The following H3-3A variants were observed in gnomAD, a reference collection of about 807,000 sequenced individuals.
H3-3A encodes the protein H3.3 histone A, also known as histone H3.3.
For synonymous variants in H3-3A, 49 were observed against 61.4 expected, an observed-to-expected ratio of 0.80 and a Z score of 0.95; for missense variants, 7 against 184.0, an observed-to-expected ratio of 0.04 and a Z score of 5.57.
intron 1 of H3-3A, among the ~76,000 whole-genome samples, chr1:226,063,327 C>G (rs961959177): frequency 2.6e-5 from 4 of 152,178 alleles, no homozygotes; most frequent in African/African-American, 9.7e-5. Context: ...CCCCGTTTCT[C>G]TCTTCCCCAT....
At chr1:226,062,063 C>G (rs1235421004), upstream of H3-3A, 6 of 152,214 alleles carry the variant, frequency 3.9e-5, no homozygotes, top group Admixed American at 2.0e-4. Context: ...AGGAGGCCGT[C>G]GGTCCGCCCC....
At chr1:226,061,968 G>A (rs1432057864), upstream of H3-3A, 4 of 152,198 alleles carry the variant, frequency 2.6e-5, no homozygotes, top group Admixed American at 1.3e-4. Flanking sequence ...GCCGGCCCAG[G>A]AGTCTTAGCG....
chr1:226,070,496 G>A (rs1476573307), intron 3 of H3-3A, among the ~76,000 whole-genome samples: 9 of 140,614 alleles, frequency 6.4e-5, no homozygotes, highest in Non-Finnish European at 9.2e-5. Flanking sequence ...AGGAACTGCC[G>A]GGCGCGGTGG....
chr1:226,065,100 A>G (rs1004710586), intron 2 of H3-3A, among the ~76,000 whole-genome samples: 2 of 152,362 alleles, frequency 1.3e-5, no homozygotes, highest in Middle Eastern at 3.4e-3. Context: ...CTTGCTGACA[A>G]TTACTTAGTA....
chr1:226,065,406 G>T (rs1657892327), intron 2 of H3-3A, among the ~76,000 whole-genome samples: 1 of 152,150 alleles, frequency 6.6e-6, no homozygotes, highest in Admixed American at 6.5e-5. Flanking sequence ...TTTTTAAAAT[G>T]AAAATAAATA....
upstream of H3-3A, among the ~76,000 whole-genome samples, chr1:226,062,511 G>A (rs1483710494): frequency 2.0e-5 from 3 of 150,118 alleles, no homozygotes; most frequent in Non-Finnish European, 4.5e-5. Flanking sequence ...CACGGCGCGA[G>A]GCGGCCTGGA....
Position 226,071,540 on chromosome 1 carries a change from C to G in H3-3A, c.*61C>G. On this transcript the variant is annotated 3_prime_UTR_variant, in exon 4 of 4. Coordinates refer to ENST00000366815, the MANE Select transcript of H3-3A (RefSeq NM_002107.7). ...AAAAAAAAAAAAAATTTCTCTTCTT[C>G]CTGTTATTGGTAGTTCTGAACGTTA... 3 of 774,092 alleles carry G rather than the reference C, an allele frequency of 3.9e-6. No individual in the cohort carries two copies. Among genetic ancestry groups the G allele is most frequent in the East Asian group, 5.4e-5 (2 of 36,830 alleles). 48.0% of individuals were successfully genotyped at this position (774,092 alleles called of 1,614,324 possible). A position where few individuals can be genotyped will look rare whatever the true frequency, so the allele number is the denominator to read the frequency against.
At chr1:226,067,050 T>C (rs1362111106) in intron 3 of H3-3A, 2 of 152,240 alleles carry the variant, frequency 1.3e-5, no homozygotes, top group East Asian at 3.8e-4. Flanking sequence ...TCAGTTCTTA[T>C]TTATTACTAA....
chr1:226,067,153 A>T (rs1224515219), intron 3 of H3-3A: 1 of 152,242 alleles, frequency 6.6e-6, no homozygotes, highest in Non-Finnish European at 1.5e-5. Flanking sequence ...ACTGTACTTG[A>T]AAAGTGTAGC....
intron 1 of H3-3A, 30 bp from the exon 2 acceptor site, chr1:226,064,299 T>C: frequency 6.4e-7 from 1 of 1,558,454 alleles, no homozygotes; most frequent in African/African-American, 1.4e-5. Context: ...TAGTTGCATA[T>C]GGTGATTTTT....
chr1:226,066,132 A>G, intron 3 of H3-3A: 1 of 444,996 alleles, frequency 2.2e-6, no homozygotes, highest in Non-Finnish European at 4.0e-6. Context: ...GACATTAAGA[A>G]GAACTTGAGA....
At chr1:226,064,218 A>G (rs1053658248) in intron 1 of H3-3A, 111 bp from the exon 2 acceptor site, 1 of 723,978 alleles carries the variant, frequency 1.4e-6, no homozygotes, top group African/African-American at 1.8e-5. Context: ...TACGAACATT[A>G]TTTTTTATAC....
intron 3 of H3-3A, among the ~76,000 whole-genome samples, chr1:226,068,010 G>T (rs1657982492): frequency 6.6e-6 from 1 of 152,160 alleles, no homozygotes; most frequent in Admixed American, 6.5e-5. Flanking sequence ...TGTGTTAAGT[G>T]GACAGTGTTG....
At chr1:226,066,523 TTTAAG>T (rs1383524864) in intron 3 of H3-3A, 2 of 152,226 alleles carry the variant, frequency 1.3e-5, no homozygotes, top group African/African-American at 4.8e-5. Flanking sequence ...ATATTTGTGG[TTTAAG>T]TTAAGACCAA....
intron 3 of H3-3A, among the ~76,000 whole-genome samples, chr1:226,067,568 C>T (rs1203031607): frequency 1.3e-5 from 2 of 151,948 alleles, no homozygotes; most frequent in Non-Finnish European, 1.5e-5. Flanking sequence ...GTGTGAAACC[C>T]CTTCTCTACT....
chr1:226,068,063 G>T (rs1657984167), intron 3 of H3-3A, among the ~76,000 whole-genome samples: 1 of 152,202 alleles, frequency 6.6e-6, no homozygotes, highest in Admixed American at 6.5e-5. Flanking sequence ...TACTCAAAAT[G>T]TCCTAAACTA....
intron 3 of H3-3A, among the ~76,000 whole-genome samples, chr1:226,069,723 C>T (rs751052431): frequency 3.3e-5 from 5 of 152,030 alleles, no homozygotes; most frequent in East Asian, 1.9e-4. Flanking sequence ...CCCAGCTACT[C>T]GGGAGGCTGA....
chr1:226,066,843 A>G (rs1222768101), intron 3 of H3-3A: 1 of 152,216 alleles, frequency 6.6e-6, no homozygotes, highest in Admixed American at 6.5e-5. Context: ...TATGTATGAG[A>G]AAGATAGGAT....
intron 3 of H3-3A, among the ~76,000 whole-genome samples, chr1:226,070,927 C>T (rs922036237): frequency 6.6e-6 from 1 of 152,198 alleles, no homozygotes; most frequent in Non-Finnish European, 1.5e-5. Context: ...GGCAGAGGTT[C>T]ACATACTGTG....
Sources: allele counts gnomAD v4.1 joint callset (sites outside exome capture counted in the v4.1 genomes callset), GRCh38; gene constraint gnomAD v4.1.1; transcripts MANE v1.5; gene names NCBI Gene and HGNC (gene_info 2026-07-23, HGNC 2026-07-21).